LINGO2: variants seen among roughly 807,000 people sequenced by gnomAD.
LINGO2 encodes the protein leucine-rich repeat and immunoglobulin-like domain-containing nogo receptor-interacting protein 2.
Under a neutral mutation model 30.6 loss-of-function variants are expected in LINGO2, and 14 were observed. The ratio of observed to expected loss-of-function variants is 0.46; its 90% CI spans 0.30 to 0.72. The LOEUF is 0.72. Among genes scored for constraint, LINGO2 ranks in the 30% least tolerant of loss-of-function variants. LINGO2 has a pLI of 0.07. For missense variants in LINGO2, 729 were observed against 751.7 expected (o/e 0.97, Z 0.35); for synonymous variants, 317 against 288.5 (o/e 1.10, Z -1.00).
At chr9:28,201,850 A>G (rs931539627) in intron 4 of LINGO2, among the ~76,000 whole-genome samples, 2 of 150,494 alleles carry the variant, frequency 1.3e-5, no homozygotes, top group African/African-American at 4.9e-5. Flanking sequence ...TACAACCTTC[A>G]TAAGAGAACT....
At chr9:28,550,252 A>T (rs10757757) in intron 1 of LINGO2, among the ~76,000 whole-genome samples, 81,309 of 151,396 alleles carry the variant, frequency 0.54, 22,608 homozygotes, top group East Asian at 0.78. Context: ...TACACATGGG[A>T]TCTTTTCATT....
chr9:28,376,570 A>G (rs925884192), intron 2 of LINGO2, among the ~76,000 whole-genome samples: 1 of 152,180 alleles, frequency 6.6e-6, no homozygotes, highest in Non-Finnish European at 1.5e-5. Flanking sequence ...CTTCCACCCG[A>G]GGGAACTGCC....
chr9:28,632,957 T>C (rs1466563142), intron 1 of LINGO2, among the ~76,000 whole-genome samples: 6 of 144,004 alleles, frequency 4.2e-5, no homozygotes, highest in Non-Finnish European at 6.0e-5. Context: ...GGTCCCAAAA[T>C]AGGTTGTCTG....
chr9:28,311,545 C>G (rs1421289878), intron 3 of LINGO2, among the ~76,000 whole-genome samples: 5 of 152,104 alleles, frequency 3.3e-5, no homozygotes, highest in African/African-American at 1.2e-4. Flanking sequence ...TTCTCTTTCT[C>G]AGGGATGTTC....
At chr9:28,714,628 C>T in the LINGO2 span, among the ~76,000 whole-genome samples, 1 of 152,002 alleles carries the variant, frequency 6.6e-6, no homozygotes, top group Non-Finnish European at 1.5e-5. Context: ...AAGATAAAAT[C>T]CTTTGTGTCA....
intron 1 of LINGO2, among the ~76,000 whole-genome samples, chr9:28,555,535 C>T (rs1822612161): frequency 6.6e-6 from 1 of 151,934 alleles, no homozygotes; most frequent in South Asian, 2.1e-4. Flanking sequence ...AGTCCAGGAC[C>T]AGATGGATTC....
chr9:28,530,598 G>A (rs894974763), intron 1 of LINGO2, among the ~76,000 whole-genome samples: 3 of 152,034 alleles, frequency 2.0e-5, no homozygotes, highest in African/African-American at 7.2e-5. Context: ...GAAACCTATA[G>A]GGATTTCAGC....
At chr9:28,484,634 A>C (rs1230174234) in intron 1 of LINGO2, among the ~76,000 whole-genome samples, 1 of 152,086 alleles carries the variant, frequency 6.6e-6, no homozygotes, top group Admixed American at 6.6e-5. Flanking sequence ...AATACATTGA[A>C]CACTGTATGA....
chr9:28,947,000 T>C, the LINGO2 span, among the ~76,000 whole-genome samples: 38 of 152,126 alleles, frequency 2.5e-4, 1 homozygote, highest in African/African-American at 9.2e-4. Context: ...AGAACCTGTG[T>C]TCTGGCATTT....
At chr9:28,369,421 C>A (rs1303833819) in intron 3 of LINGO2, among the ~76,000 whole-genome samples, 1 of 152,124 alleles carries the variant, frequency 6.6e-6, no homozygotes, top group African/African-American at 2.4e-5. Context: ...AAAAGTGACA[C>A]CATTGCTATA....
chr9:27,949,098 A>G lies in LINGO2; in HGVS notation c.1574T>C (p.Ile525Thr), dbSNP rs201847158. The G allele has an allele frequency of 2.0e-4, 318 of 1,614,206 alleles. 1 individual carries two copies. In the East Asian group the frequency reaches 6.6e-3, roughly 33 times the overall value. ...AGTATTGGCATTGGTGCCATTGGAAATGGTGTCATTGGAGTCGGTCATGTA... is the reference window on the plus strand; with the variant it reads ...AGTATTGGCATTGGTGCCATTGGAAGTGGTGTCATTGGAGTCGGTCATGTA... The change falls in exon 6 of 6, where the codon ATT (isoleucine) becomes ACT (threonine). Residue 525 changes from isoleucine to threonine, a missense_variant. Transcript: ENST00000379992.
At chr9:28,178,913 T>C (rs1457422424) in intron 4 of LINGO2, among the ~76,000 whole-genome samples, 1 of 152,160 alleles carries the variant, frequency 6.6e-6, no homozygotes, top group Non-Finnish European at 1.5e-5. Flanking sequence ...CACTCCATTT[T>C]CAATTTTTCT....
At chr9:28,379,143 G>A (rs535901580) in intron 2 of LINGO2, among the ~76,000 whole-genome samples, 2 of 152,156 alleles carry the variant, frequency 1.3e-5, no homozygotes, top group South Asian at 4.2e-4. Context: ...ATAACAGGGA[G>A]AGGTTGGGGC....
chr9:28,758,868 T>A, the LINGO2 span, among the ~76,000 whole-genome samples: 1 of 152,102 alleles, frequency 6.6e-6, no homozygotes, highest in Non-Finnish European at 1.5e-5. Flanking sequence ...AACAGCAAGA[T>A]TCCAGTAAAA....
chr9:28,292,913 G>A (rs765838387), intron 4 of LINGO2, among the ~76,000 whole-genome samples: 1 of 151,528 alleles, frequency 6.6e-6, no homozygotes, highest in Non-Finnish European at 1.5e-5. Context: ...TGGGACTACA[G>A]GTGCCCGCCA....
the LINGO2 span, among the ~76,000 whole-genome samples, chr9:29,044,601 T>C: frequency 1.3e-5 from 2 of 152,124 alleles, no homozygotes; most frequent in Non-Finnish European, 2.9e-5. Context: ...TGGGAATTTA[T>C]TGTAAAGGGA....
rs142504049 is a variant in LINGO2, at chr9:28,552,175, C to T, written c.-364-76150G>A. On this transcript the variant is annotated intron_variant, in intron 1 of 5. Coordinates refer to ENST00000379992, the Ensembl canonical transcript of LINGO2. ...ATCAAGCCCTCCTGATAAATCTCAT[C>T]CTGCTGCAAATTACCCTGGGTGTTT... Among the ~76,000 whole-genome samples, 689 of 152,008 alleles carry T rather than the reference C, an allele frequency of 4.5e-3. 1 individual carries two copies. Among genetic ancestry groups the T allele is most frequent in the African/African-American group, 8.0e-3 (334 of 41,524 alleles).
the LINGO2 span, among the ~76,000 whole-genome samples, chr9:28,955,134 A>C: frequency 6.6e-6 from 1 of 152,026 alleles, no homozygotes; most frequent in East Asian, 1.9e-4. Context: ...GAAAGTGTGA[A>C]AGGAGGGAGA....
chr9:28,396,162 C>T (rs1822031447), intron 2 of LINGO2, among the ~76,000 whole-genome samples: 1 of 152,100 alleles, frequency 6.6e-6, no homozygotes, highest in African/African-American at 2.4e-5. Context: ...ATTTAACAGA[C>T]ACTTATATAG....
Sources: allele counts gnomAD v4.1 joint callset (sites outside exome capture counted in the v4.1 genomes callset), GRCh38; gene constraint gnomAD v4.1.1; transcripts MANE v1.5; gene names NCBI Gene and HGNC (gene_info 2026-07-23, HGNC 2026-07-21).